LRP1: variants seen among roughly 807,000 people sequenced by gnomAD.
LRP1 encodes LDL receptor related protein 1.
LRP1 carries 51 observed loss-of-function variants against 541.5 expected under a neutral mutation model. The ratio of observed to expected loss-of-function variants is 0.09; its 90% CI spans 0.08 to 0.12. The LOEUF (loss-of-function observed/expected upper bound fraction) is 0.12. Among genes scored for constraint, LRP1 ranks in the 10% least tolerant of loss-of-function variants. The pLI, the probability that LRP1 is intolerant of heterozygous loss-of-function variation, is 1.00. For synonymous variants in LRP1, 2,219 were observed against 2,470.8 expected (o/e 0.90, Z 3.02); for missense variants, 3,878 against 6,376.2 (o/e 0.61, Z 13.34).
Position 57,205,595 on chromosome 12 carries a change from G to A in LRP1, c.11508G>A (p.Gln3836=), listed in dbSNP as rs1374063293. The A allele has an allele frequency of 6.2e-7, 1 of 1,613,940 alleles. No homozygotes were observed. ...NECLRFGTCS[Q]LCNNTKGGHL... Reference sequence around the variant, plus strand: ...GCCTGCGCTTCGGCACCTGCTCCCAGCTCTGCAACAACACCAAGGGCGGCC... The same window carrying A: ...GCCTGCGCTTCGGCACCTGCTCCCAACTCTGCAACAACACCAAGGGCGGCC... The change falls in exon 75 of 89, where the codon CAG becomes CAA. Residue 3836 remains glutamine (Q), a synonymous_variant. Transcript: ENST00000243077. This position sits in a 1 kb window ranked among gnomAD's most constrained non-coding sequence, Gnocchi z 4.6.
intron 1 of LRP1, among the ~76,000 whole-genome samples, chr12:57,131,764 A>G (rs2035043894): frequency 6.6e-6 from 1 of 151,654 alleles, no homozygotes; most frequent in Non-Finnish European, 1.5e-5. Context: ...TCCTCTCTTC[A>G]TTTTCTCAAC....
chr12:57,183,827 C>G lies in LRP1; in HGVS notation c.5847C>G (p.Ala1949=), dbSNP rs760344506. The G allele has an allele frequency of 6.2e-7, 1 of 1,614,194 alleles. No homozygotes were observed. Among genetic ancestry groups the G allele is most frequent in the South Asian group, 1.1e-5 (1 of 91,090 alleles). The change falls in exon 36 of 89, where the codon GCC becomes GCG. Residue 1949 remains alanine (A), a synonymous_variant. Coordinates refer to ENST00000243077, the MANE Select transcript of LRP1 (RefSeq NM_002332.3). The surrounding 1 kb of genome is among the most constrained non-coding windows in gnomAD (Gnocchi z 6.1). ...TGGGCCTGAGCACGATCAGCCGGGC[C>G]AAGCGGGACCAGACGTGGCGTGAAG... ...VDMGLSTISR[A]KRDQTWREDV... is the part of the protein sequence containing the mutation.
intron 46 of LRP1, 98 bp from the exon 47 acceptor site, chr12:57,193,468 G>GT (rs2036458643): frequency 7.1e-6 from 11 of 1,538,706 alleles, no homozygotes; most frequent in Middle Eastern, 3.7e-4. Flanking sequence ...GGGCCTTTGG[G>GT]TTTGGGGGTG....
At chr12:57,145,550 A>G (rs530479629) in intron 6 of LRP1, 60 bp downstream of exon 6, 2 of 1,581,508 alleles carry the variant, frequency 1.3e-6, no homozygotes, top group African/African-American at 2.7e-5. Flanking sequence ...GGGAAGGTGG[A>G]CCCTATCTTG....
chr12:57,154,062 T>C lies in LRP1; in HGVS notation c.842-146T>C, dbSNP rs772494782. On this transcript the variant is annotated intron_variant, in intron 6 of 88. Coordinates refer to ENST00000243077, the MANE Select transcript of LRP1 (RefSeq NM_002332.3). The surrounding 1 kb of genome is among the most constrained non-coding windows in gnomAD (Gnocchi z 4.6). ...GCATTTACGCAAGCCCTCCTGTATA[T>C]CCACTCTGAGCTAAGCATGGGGGTG... is the stretch of plus-strand genomic sequence containing the variant. 2.8e-6 allele frequency: 2 copies of C among 705,116 alleles called. No homozygotes were observed. Among genetic ancestry groups the C allele is most frequent in the Non-Finnish European group, 4.9e-6 (2 of 409,570 alleles). The allele number at this position is 705,116 out of a possible 1,614,324, so 43.7% of individuals were successfully genotyped here.
In LRP1 at chr12:57,205,477, G is replaced by T; in HGVS notation, c.11462G>T (p.Gly3821Val). The T allele has an allele frequency of 6.2e-7, 1 of 1,610,976 alleles. No individual in the cohort carries two copies. ...TTCCACACCGTGCCCGGCCAGCCCG[G>T]ATGCCAAGGTAGGAAAGCGGGGCAG... is the stretch of plus-strand genomic sequence containing the variant. The part of the protein sequence containing the change: ...SGFHTVPGQP[G>V]CQDINECLRF... Residue 3821 changes from glycine to valine, a missense_variant, in exon 74 of 89, where the codon GGA (glycine) becomes GTA (valine). By Grantham distance (109) the Gly-to-Val change is moderately radical (BLOSUM62 -3). Coordinates refer to ENST00000243077, the MANE Select transcript of LRP1 (RefSeq NM_002332.3). This position sits in a 1 kb window ranked among gnomAD's most constrained non-coding sequence, Gnocchi z 4.6.
Position 57,201,365 on chromosome 12 carries a change from A to G in LRP1, c.10346-132A>G. On this transcript the variant is annotated intron_variant, in intron 65 of 88. Coordinates refer to ENST00000243077, the MANE Select transcript of LRP1 (RefSeq NM_002332.3). This position sits in a 1 kb window ranked among gnomAD's most constrained non-coding sequence, Gnocchi z 6.4. ...AAAACAAAAAGCACCAAAACTGGGG[A>G]TAAACTGTTCCTTCCTCCGAAGAAG... The G allele has an allele frequency of 7.0e-7, 1 of 1,429,648 alleles. No homozygotes were observed. Among genetic ancestry groups the G allele is most frequent in the Non-Finnish European group, 9.5e-7 (1 of 1,055,696 alleles). 88.6% of individuals were successfully genotyped at this position (1,429,648 alleles called of 1,614,324 possible). A position where few individuals can be genotyped will look rare whatever the true frequency, so the allele number is the denominator to read the frequency against.
chr12:57,171,758 G>T (rs572141347), intron 20 of LRP1, among the ~76,000 whole-genome samples: 290 of 152,262 alleles, frequency 1.9e-3, no homozygotes, highest in African/African-American at 6.7e-3. Flanking sequence ...GGGTAGGGAA[G>T]GGGGAGGAGC....
rs1468735735 is a variant in LRP1 at position 57,163,001 on chromosome 12, G to A, written c.2530+18G>A. On this transcript the variant is annotated intron_variant, in intron 15 of 88. Transcript: ENST00000243077. ...TTGCTTGGGTATGAGGTGCCTGGCT[G>A]GGTGGGAGTGGGAAGCAGACCCCAT... The A allele has an allele frequency of 6.3e-7, 1 of 1,589,690 alleles. No homozygotes were observed. The highest frequency in any genetic ancestry group is 8.5e-7 in the Non-Finnish European group (1 of 1,171,704).
chr12:57,204,948 G>C lies in LRP1; in HGVS notation c.11195-161G>C. 7.6e-7 allele frequency: 1 copy of C among 1,322,834 alleles called. No homozygotes were observed. The highest frequency in any genetic ancestry group is 1.5e-5 in the South Asian group (1 of 68,808). The allele number at this position is 1,322,834 out of a possible 1,614,324, so 81.9% of individuals were successfully genotyped here. ...GGGAAGGCTCTGGGGGCTGCCTGAT[G>C]CCTTAGGTCTTGGAGGTGGGGCTGG... On this transcript the variant is annotated intron_variant, in intron 72 of 88. Transcript: ENST00000243077. The surrounding 1 kb of genome is among the most constrained non-coding windows in gnomAD (Gnocchi z 5.3).
rs1213771932 is a variant in LRP1 at position 57,184,302 on chromosome 12, C to T, written c.6060-24C>T. ...CTCCTCCAGGGTCTGAGGACTGACCCCCACTTCCACCCCCACCCTACAGGT... is the reference window on the plus strand; with the variant it reads ...CTCCTCCAGGGTCTGAGGACTGACCTCCACTTCCACCCCCACCCTACAGGT... On this transcript the variant is annotated intron_variant, in intron 37 of 88. Coordinates refer to ENST00000243077, the MANE Select transcript of LRP1 (RefSeq NM_002332.3). The surrounding 1 kb of genome is among the most constrained non-coding windows in gnomAD (Gnocchi z 7.8). 1 of 1,614,178 alleles carries T rather than the reference C, an allele frequency of 6.2e-7. No homozygotes were observed. The highest frequency in any genetic ancestry group is 2.2e-5 in the East Asian group (1 of 44,880).
Position 57,185,088 on chromosome 12 carries a change from G to T in LRP1, c.6346G>T (p.Ala2116Ser). The T allele has an allele frequency of 2.5e-6, 4 of 1,614,136 alleles. No individual in the cohort carries two copies. The highest frequency in any genetic ancestry group is 3.4e-6 in the Non-Finnish European group (4 of 1,180,038). The stretch of plus-strand genomic sequence containing the variant: ...GCCCTGTCCTTCCCTCAGGACTCAT[G>T]CCAACGGCTCTATCAAGCGCGGGAG... ...DFIYWSDRTH[A>S]NGSIKRGSKD... Residue 2116 changes from alanine to serine, a missense_variant, in exon 40 of 89, where the codon GCC becomes TCC. Physicochemically the swap from Ala to Ser is moderately conservative, Grantham distance 99. Transcript: ENST00000243077. The surrounding 1 kb of genome is among the most constrained non-coding windows in gnomAD (Gnocchi z 4.9).
At chr12:57,134,123 G>A (rs1052180105) in intron 1 of LRP1, among the ~76,000 whole-genome samples, 14 of 152,148 alleles carry the variant, frequency 9.2e-5, no homozygotes, top group Non-Finnish European at 1.8e-4. Flanking sequence ...TGGGCTGGGT[G>A]CCTGGGTTTG....
At chr12:57,157,421 G>A (rs1231187498) in intron 10 of LRP1, among the ~76,000 whole-genome samples, 2 of 152,162 alleles carry the variant, frequency 1.3e-5, no homozygotes, top group African/African-American at 4.8e-5. Context: ...CACCAGGCTG[G>A]CCAACATGGT....
intron 78 of LRP1, 49 bp downstream of exon 78, chr12:57,208,866 C>T (rs372253892): frequency 4.8e-5 from 70 of 1,455,368 alleles, no homozygotes; most frequent in Non-Finnish European, 6.2e-5. Flanking sequence ...GGGCCCGGCT[C>T]GCAGAGCCCA....
At chr12:57,210,520 G>T (rs773130330) in intron 82 of LRP1, 40 bp downstream of exon 82, 57 of 1,509,316 alleles carry the variant, frequency 3.8e-5, no homozygotes, top group Non-Finnish European at 5.1e-5. Flanking sequence ...CCTTGCCCCT[G>T]GGCCCCAGCC....
intron 13 of LRP1, among the ~76,000 whole-genome samples, chr12:57,161,440 C>T (rs367575307): frequency 2.0e-5 from 3 of 152,170 alleles, no homozygotes; most frequent in South Asian, 4.1e-4. Context: ...CATAGATACA[C>T]GGCATGCCTT....
chr12:57,177,605 G>A lies in LRP1; in HGVS notation c.4361+14G>A, dbSNP rs778601935. The A allele has an allele frequency of 1.2e-6, 2 of 1,613,072 alleles. No individual in the cohort carries two copies. The highest frequency in any genetic ancestry group is 1.7e-6 in the Non-Finnish European group (2 of 1,179,698). ...GATTGACGCCAGGTCAGCACCCTCTGTGCCCTGAGAAGGCCCAAGTCTGTG... is the reference window on the plus strand; with the variant it reads ...GATTGACGCCAGGTCAGCACCCTCTATGCCCTGAGAAGGCCCAAGTCTGTG... On this transcript the variant is annotated intron_variant, in intron 26 of 88. Coordinates refer to ENST00000243077, the MANE Select transcript of LRP1 (RefSeq NM_002332.3). The surrounding 1 kb of genome is among the most constrained non-coding windows in gnomAD (Gnocchi z 6.8).
intron 76 of LRP1, among the ~76,000 whole-genome samples, chr12:57,207,530 CAAA>C (rs11336238): frequency 6.6e-5 from 9 of 135,344 alleles, no homozygotes; most frequent in Non-Finnish European, 1.1e-4. Flanking sequence ...GACTCCGTCT[CAAA>C]AAAAAAAAAA....
Sources: allele counts gnomAD v4.1 joint callset (sites outside exome capture counted in the v4.1 genomes callset), GRCh38; gene constraint gnomAD v4.1.1; non-coding constraint Gnocchi (gnomAD v3.1); transcripts MANE v1.5; gene names NCBI Gene and HGNC (gene_info 2026-07-23, HGNC 2026-07-21).